The following RBFOX1 variants were observed in gnomAD, a reference collection of about 807,000 sequenced individuals.
The protein encoded by RBFOX1 is RNA binding protein fox-1 homolog 1.
Under a neutral mutation model 57.7 loss-of-function variants are expected in RBFOX1, and 8 were observed. The observed-to-expected ratio is 0.14, with a 90% CI of 0.08 to 0.25. RBFOX1 has a LOEUF of 0.25. Ranked by LOEUF, RBFOX1 falls within the 10% of genes least tolerant of loss-of-function variation. The pLI, the probability that RBFOX1 is intolerant of heterozygous loss-of-function variation, is 1.00. For synonymous variants in RBFOX1, 326 were observed against 222.4 expected, an observed-to-expected ratio of 1.47 and a Z score of -4.15; for missense variants, 611 against 548.5, an observed-to-expected ratio of 1.11 and a Z score of -1.14.
intron 2 of RBFOX1, among the ~76,000 whole-genome samples, chr16:5,503,674 C>T (rs1379008960): frequency 6.6e-6 from 1 of 152,086 alleles, no homozygotes; most frequent in African/African-American, 2.4e-5. Flanking sequence ...GAACTCCTGA[C>T]CTGAGGTGAT....
chr16:6,554,819 C>G (rs895122621), intron 2 of RBFOX1, among the ~76,000 whole-genome samples: 1 of 131,634 alleles, frequency 7.6e-6, no homozygotes, highest in African/African-American at 3.9e-5. Flanking sequence ...CACACAGACA[C>G]ACAGACACAC....
Position 6,866,251 on chromosome 16 carries a change from C to G in RBFOX1, c.-15-185806C>G, listed in dbSNP as rs139096753. 5.9e-3 allele frequency among the ~76,000 whole-genome samples: 897 copies of G among 152,054 alleles called. 7 individuals are homozygous for G. Among genetic ancestry groups the G allele is most frequent in the Non-Finnish European group, 7.5e-3 (511 of 67,986 alleles). On this transcript the variant is annotated intron_variant, in intron 3 of 15. Transcript: ENST00000550418. ...TTTTTTAAGGTTCTGGAAATGTAAA[C>G]TACTTTCCTACCACTTTTCATTTTT...
chr16:5,650,903 ACTCT>A (rs888397546), intron 3 of RBFOX1, among the ~76,000 whole-genome samples: 2 of 148,164 alleles, frequency 1.3e-5, no homozygotes, highest in African/African-American at 2.6e-5. Flanking sequence ...CTGTCTCCTC[ACTCT>A]CTCCTTGATC....
Position 7,085,243 on chromosome 16 carries a change from A to C in RBFOX1, c.27+33145A>C, listed in dbSNP as rs1599043912. Among the ~76,000 whole-genome samples, 4 of 152,250 alleles carry C rather than the reference A, an allele frequency of 2.6e-5. No homozygotes were observed. In the East Asian group the frequency reaches 7.7e-4, roughly 29 times the overall value. On this transcript the variant is annotated intron_variant, in intron 4 of 15. Transcript: ENST00000550418. ...AACATCTGATTCCATGGATTGATGC[A>C]AACTAGAGAACTGGAACATGTTTGT...
intron 4 of RBFOX1, among the ~76,000 whole-genome samples, chr16:7,468,506 G>A (rs1383612608): frequency 1.3e-5 from 2 of 148,396 alleles, no homozygotes; most frequent in East Asian, 2.0e-4. Context: ...ACCCATTGGA[G>A]TTTCCTTCCT....
At position 6,824,061 on chromosome 16, in the gene RBFOX1, C is replaced by T. The variant is rs150436234; in HGVS notation, c.-16+169411C>T. ...ATCTGGATTTCCATATCTTTGTCTA[C>T]ACCTTGTATTTTGTAGTAATGGAAT... is the stretch of plus-strand genomic sequence containing the variant. On this transcript the variant is annotated intron_variant, in intron 3 of 15. Coordinates refer to ENST00000550418, the MANE Select transcript of RBFOX1 (RefSeq NM_018723.4). Among the ~76,000 whole-genome samples the T allele has an allele frequency of 5.2e-3, 795 of 152,302 alleles. 8 individuals carry two copies. Among genetic ancestry groups the T allele is most frequent in the African/African-American group, 0.017 (717 of 41,562 alleles).
At chr16:7,282,029 C>T (rs1308318803) in intron 4 of RBFOX1, among the ~76,000 whole-genome samples, 1 of 146,792 alleles carries the variant, frequency 6.8e-6, no homozygotes, top group Non-Finnish European at 1.5e-5. Context: ...TCACGCCTGG[C>T]AATTTTTTTT....
intron 2 of RBFOX1, among the ~76,000 whole-genome samples, chr16:6,419,730 TTCTA>T (rs1307357502): frequency 1.3e-4 from 20 of 152,080 alleles, no homozygotes; most frequent in African/African-American, 4.8e-4. Flanking sequence ...CCCAGTCGTG[TTCTA>T]TCTTTTACAC....
intron 3 of RBFOX1, among the ~76,000 whole-genome samples, chr16:6,876,299 T>C (rs1439248047): frequency 6.6e-6 from 1 of 152,208 alleles, no homozygotes; most frequent in Non-Finnish European, 1.5e-5. Flanking sequence ...AGTTGCTTCC[T>C]GGTCAGCATA....
intron 3 of RBFOX1, among the ~76,000 whole-genome samples, chr16:6,756,693 C>T (rs950145924): frequency 6.6e-6 from 1 of 152,016 alleles, no homozygotes; most frequent in African/African-American, 2.4e-5. Flanking sequence ...ATATACAGGC[C>T]GGGCCTGGTG....
intron 3 of RBFOX1, among the ~76,000 whole-genome samples, chr16:6,859,305 G>A (rs2058598523): frequency 6.7e-6 from 1 of 150,124 alleles, no homozygotes; most frequent in African/African-American, 2.5e-5. Flanking sequence ...CTCATTCGTT[G>A]ATAATATCTA....
intron 4 of RBFOX1, among the ~76,000 whole-genome samples, chr16:7,142,943 A>C (rs1382096735): frequency 4.0e-5 from 6 of 148,482 alleles, no homozygotes; most frequent in African/African-American, 1.5e-4. Flanking sequence ...ATCCATTTCT[A>C]CCTATGATAT....
chr16:5,250,602 C>A (rs553102309), intron 1 of RBFOX1, among the ~76,000 whole-genome samples: 2 of 152,258 alleles, frequency 1.3e-5, no homozygotes, highest in South Asian at 2.1e-4. Flanking sequence ...CTTATTGTAA[C>A]CTTTTTAAAA....
intron 4 of RBFOX1, among the ~76,000 whole-genome samples, chr16:7,416,563 G>A (rs974397874): frequency 2.0e-5 from 3 of 152,136 alleles, no homozygotes; most frequent in Non-Finnish European, 4.4e-5. Context: ...ATGTAAAAGT[G>A]CAAGATCCTC....
chr16:6,633,352 A>G (rs1368099906), intron 2 of RBFOX1, among the ~76,000 whole-genome samples: 1 of 152,168 alleles, frequency 6.6e-6, no homozygotes, highest in East Asian at 1.9e-4. Context: ...ATCTTGGCTC[A>G]CTGCAACCTC....
intron 2 of RBFOX1, among the ~76,000 whole-genome samples, chr16:6,637,079 A>G (rs1415954658): frequency 8.7e-4 from 58 of 66,452 alleles, no homozygotes; most frequent in African/African-American, 2.8e-3. Context: ...TATGTTTAAT[A>G]TATATAATAC....
At chr16:5,790,552 T>C (rs946980524) in intron 3 of RBFOX1, among the ~76,000 whole-genome samples, 2 of 149,444 alleles carry the variant, frequency 1.3e-5, no homozygotes. Flanking sequence ...ATGTAGCACA[T>C]GTGGTAAAAT....
At chr16:5,474,892 C>T (rs11646108) in intron 2 of RBFOX1, among the ~76,000 whole-genome samples, 22,330 of 152,234 alleles carry the variant, frequency 0.15, 2,030 homozygotes, top group Middle Eastern at 0.27. Flanking sequence ...TATTGACTAG[C>T]ATTGGCTATG....
At position 6,577,103 on chromosome 16, in the gene RBFOX1, A is replaced by G. The variant is rs566862544; in HGVS notation, c.-63-77500A>G. The G allele has an allele frequency of 7.2e-5, 11 of 152,258 alleles. No homozygotes were observed. The South Asian group carries it at 2.3e-3, about 32-fold the overall frequency. The allele number at this position is 152,258 out of a possible 1,614,324, so 9.4% of individuals were successfully genotyped here. ...TTATTCCCCCAATCCTCTGATGAACATGCACCTGACATTGGATGCTACATG... is the reference window on the plus strand; with the variant it reads ...TTATTCCCCCAATCCTCTGATGAACGTGCACCTGACATTGGATGCTACATG... On this transcript the variant is annotated intron_variant, in intron 2 of 15. Transcript: ENST00000550418.
Sources: gnomAD v4.1 joint callset for allele counts (sites outside exome capture counted in the v4.1 genomes callset) on GRCh38, gnomAD v4.1.1 for gene constraint, MANE v1.5 for transcripts, NCBI Gene and HGNC (gene_info 2026-07-23, HGNC 2026-07-21) for gene names.